GPC5: variants seen among roughly 807,000 people sequenced by gnomAD.
GPC5 encodes the protein glypican 5, also known as glypican-5.
In GPC5, 47 loss-of-function variants were observed where a neutral mutation model predicts 53.9. That is an observed-to-expected ratio of 0.87 (90% CI 0.69 to 1.11). GPC5 has a LOEUF of 1.11. Among genes scored for constraint, GPC5 ranks in the 50% most tolerant of loss-of-function variants. The pLI is 0.00. For synonymous variants in GPC5, 286 were observed against 263.3 expected (o/e 1.09, Z -0.84); for missense variants, 748 against 713.1 (o/e 1.05, Z -0.56).
At chr13:92,565,682 A>C (rs1365699259) in intron 7 of GPC5, among the ~76,000 whole-genome samples, 1 of 152,096 alleles carries the variant, frequency 6.6e-6, no homozygotes, top group Non-Finnish European at 1.5e-5. Flanking sequence ...AAAAATATGT[A>C]TCTACATTTT....
chr13:92,793,586 A>G (rs1876547781), intron 7 of GPC5, among the ~76,000 whole-genome samples: 1 of 152,098 alleles, frequency 6.6e-6, no homozygotes, highest in South Asian at 2.1e-4. Context: ...AAAAACAATG[A>G]ATCCAGGAGC....
intron 7 of GPC5, among the ~76,000 whole-genome samples, chr13:92,752,614 G>A (rs568398925): frequency 6.6e-6 from 1 of 152,200 alleles, no homozygotes; most frequent in East Asian, 2.0e-4. Context: ...GACAGTGGGC[G>A]CAGGTCAGTG....
intron 7 of GPC5, among the ~76,000 whole-genome samples, chr13:92,850,286 G>T (rs1458193207): frequency 6.6e-6 from 1 of 152,098 alleles, no homozygotes; most frequent in Admixed American, 6.6e-5. Flanking sequence ...AACTCAATTT[G>T]CTCTATAGAT....
intron 7 of GPC5, among the ~76,000 whole-genome samples, chr13:92,455,069 C>T (rs1878206644): frequency 6.6e-6 from 1 of 152,096 alleles, no homozygotes; most frequent in South Asian, 2.1e-4. Context: ...GGTACGAACT[C>T]AGAGCAAGGA....
chr13:92,216,727 C>T lies in GPC5; in HGVS notation c.1561+71738C>T, dbSNP rs141520745. Among the ~76,000 whole-genome samples the T allele has an allele frequency of 2.4e-3, 363 of 152,212 alleles. 2 individuals carry two copies. Among genetic ancestry groups the T allele is most frequent in the African/African-American group, 8.3e-3 (344 of 41,536 alleles). On this transcript the variant is annotated intron_variant, in intron 7 of 7. Transcript: ENST00000377067. ...AGGCGCGGTGGCTCATGCCTGTAATCCCAGCACTTTGGGAGGCCAAGGTGG... is the reference window on the plus strand; with the variant it reads ...AGGCGCGGTGGCTCATGCCTGTAATTCCAGCACTTTGGGAGGCCAAGGTGG...
In GPC5 at chr13:92,051,173, G is replaced by C. The variant is rs566174601; in HGVS notation, c.1402-93657G>C. 3.3e-5 allele frequency among the ~76,000 whole-genome samples: 5 copies of C among 151,016 alleles called. No homozygotes were observed. In the South Asian group the frequency reaches 1.0e-3, roughly 32 times the overall value. ...AGATTCAGTGTTTGTCTGAGGAAGA[G>C]AGGAGAGACTGCATTTCATTTTTTT... On this transcript the variant is annotated intron_variant, in intron 6 of 7. Coordinates refer to ENST00000377067, the MANE Select transcript of GPC5 (RefSeq NM_004466.6).
intron 2 of GPC5, among the ~76,000 whole-genome samples, chr13:91,501,202 A>G (rs577321716): frequency 7.8e-4 from 117 of 150,248 alleles, no homozygotes; most frequent in African/African-American, 2.8e-3. Context: ...TATTCGTAAC[A>G]GCAACTTCTT....
At chr13:92,219,850 T>C (rs2042436373) in intron 7 of GPC5, among the ~76,000 whole-genome samples, 1 of 152,166 alleles carries the variant, frequency 6.6e-6, no homozygotes, top group Non-Finnish European at 1.5e-5. Context: ...ATCAGAAACC[T>C]CTAGAGGGTT....
chr13:92,048,189 G>C (rs145022239), intron 6 of GPC5, among the ~76,000 whole-genome samples: 1,594 of 152,010 alleles, frequency 0.01, 34 homozygotes, highest in African/African-American at 0.036. Flanking sequence ...TCATCTGACA[G>C]ATTTGTGGTA....
chr13:91,900,778 T>G (rs574893074), intron 5 of GPC5, among the ~76,000 whole-genome samples: 5 of 152,262 alleles, frequency 3.3e-5, no homozygotes, highest in Non-Finnish European at 7.4e-5. Flanking sequence ...TAGGTAATTT[T>G]TTTTGAAATG....
At chr13:91,710,460 A>G (rs1263236462) in intron 3 of GPC5, among the ~76,000 whole-genome samples, 1 of 152,236 alleles carries the variant, frequency 6.6e-6, no homozygotes, top group African/African-American at 2.4e-5. Context: ...CCTGTCAAAA[A>G]TCCTGCTTAT....
At chr13:92,746,701 C>A (rs1889249123) in intron 7 of GPC5, among the ~76,000 whole-genome samples, 1 of 152,112 alleles carries the variant, frequency 6.6e-6, no homozygotes, top group Non-Finnish European at 1.5e-5. Context: ...AAGGACAACA[C>A]AATATCCTGA....
intron 6 of GPC5, among the ~76,000 whole-genome samples, chr13:91,968,348 G>A (rs1440435119): frequency 6.6e-6 from 1 of 151,806 alleles, no homozygotes. Flanking sequence ...AAATATTGAT[G>A]GTATTGTCTG....
chr13:91,594,202 G>A (rs2032908903), intron 2 of GPC5, among the ~76,000 whole-genome samples: 1 of 152,126 alleles, frequency 6.6e-6, no homozygotes, highest in Non-Finnish European at 1.5e-5. Flanking sequence ...AAAAAGTACA[G>A]TTTTTTTAAA....
At chr13:92,574,072 A>G (rs920215217) in intron 7 of GPC5, among the ~76,000 whole-genome samples, 3 of 152,190 alleles carry the variant, frequency 2.0e-5, no homozygotes, top group Admixed American at 6.6e-5. Context: ...GGCCTAAGGT[A>G]TCTTTTAGTT....
intron 7 of GPC5, among the ~76,000 whole-genome samples, chr13:92,605,558 G>A (rs1307816099): frequency 1.3e-5 from 2 of 151,810 alleles, no homozygotes; most frequent in Non-Finnish European, 2.9e-5. Context: ...AAAAATAAAT[G>A]AGCAGCCGTA....
chr13:92,562,030 C>T (rs1329949448), intron 7 of GPC5, among the ~76,000 whole-genome samples: 1 of 152,028 alleles, frequency 6.6e-6, no homozygotes, highest in Non-Finnish European at 1.5e-5. Flanking sequence ...GATACAGTAG[C>T]TGATGTGTTG....
intron 7 of GPC5, among the ~76,000 whole-genome samples, chr13:92,476,031 A>C (rs1321088284): frequency 7.2e-5 from 11 of 152,146 alleles, no homozygotes; most frequent in African/African-American, 2.7e-4. Context: ...ACAAAAGACA[A>C]AATTGAGAAA....
chr13:92,736,808 T>C (rs1888948088), intron 7 of GPC5, among the ~76,000 whole-genome samples: 1 of 98,246 alleles, frequency 1.0e-5, no homozygotes, highest in South Asian at 3.1e-4. Flanking sequence ...CTGTAGCCTA[T>C]TTTTTTTTTA....
Sources: gnomAD v4.1 joint callset for allele counts (sites outside exome capture counted in the v4.1 genomes callset) on GRCh38, gnomAD v4.1.1 for gene constraint, MANE v1.5 for transcripts, NCBI Gene and HGNC (gene_info 2026-07-23, HGNC 2026-07-21) for gene names.